WLS: variants seen among roughly 807,000 people sequenced by gnomAD.
WLS encodes Wnt ligand secretion mediator.
WLS carries 23 observed loss-of-function variants against 62.8 expected under a neutral mutation model. The ratio of observed to expected loss-of-function variants is 0.37; its 90% CI spans 0.26 to 0.52. The LOEUF is 0.52. Among genes scored for constraint, WLS ranks in the 20% least tolerant of loss-of-function variants. The probability of loss-of-function intolerance (pLI) is 0.92; values close to 1 mark genes in which losing one functional copy is unlikely to be tolerated. For synonymous variants in WLS, 246 were observed against 244.1 expected, an observed-to-expected ratio of 1.01 and a Z score of -0.07; for missense variants, 615 against 697.3, an observed-to-expected ratio of 0.88 and a Z score of 1.33.
intron 2 of WLS, among the ~76,000 whole-genome samples, chr1:68,187,084 C>T (rs1191054405): frequency 2.7e-5 from 4 of 150,472 alleles, no homozygotes; most frequent in African/African-American, 7.4e-5. Context: ...TGGTGGCAGG[C>T]GCCTGTAGTC....
intron 1 of WLS, among the ~76,000 whole-genome samples, chr1:68,204,554 G>C (rs938333084): frequency 6.6e-6 from 1 of 152,096 alleles, no homozygotes; most frequent in Non-Finnish European, 1.5e-5. Flanking sequence ...TGATCCGCCC[G>C]CCTGGGCCTC....
intron 2 of WLS, among the ~76,000 whole-genome samples, chr1:68,185,165 G>T (rs1217421913): frequency 6.6e-6 from 1 of 152,082 alleles, no homozygotes; most frequent in Non-Finnish European, 1.5e-5. Flanking sequence ...AGTCTCATAG[G>T]TTGAAAGCTC....
intron 11 of WLS, among the ~76,000 whole-genome samples, chr1:68,101,721 T>A (rs1473758286): frequency 1.3e-5 from 2 of 152,176 alleles, no homozygotes; most frequent in African/African-American, 2.4e-5. Context: ...AGAAACTTCA[T>A]GAATTGGGGG....
At chr1:68,174,415 C>G (rs1647200310) in intron 2 of WLS, among the ~76,000 whole-genome samples, 2 of 152,276 alleles carry the variant, frequency 1.3e-5, no homozygotes, top group South Asian at 4.1e-4. Flanking sequence ...CCAGGACATT[C>G]CTCGAGTTGG....
chr1:68,145,724 A>G lies in WLS; in HGVS notation c.1278+145T>C. On this transcript the variant is annotated intron_variant, in intron 9 of 11. Transcript: ENST00000262348. The stretch of plus-strand genomic sequence containing the variant: ...CTTCTCAGAGTAAGATTTGGCCTCT[A>G]ATTTTGCCCAGAGATCCTACATGAG... 13 of 1,370,114 alleles carry G rather than the reference A, an allele frequency of 9.5e-6. No individual in the cohort carries two copies. The South Asian group carries it at 1.7e-4, about 18-fold the overall frequency. The allele number at this position is 1,370,114 out of a possible 1,614,324, so 84.9% of individuals were successfully genotyped here. A position where few individuals can be genotyped will look rare whatever the true frequency, so the allele number is the denominator to read the frequency against.
chr1:68,213,618 A>G (rs1443961798), intron 1 of WLS, among the ~76,000 whole-genome samples: 1 of 152,046 alleles, frequency 6.6e-6, no homozygotes, highest in Non-Finnish European at 1.5e-5. Context: ...CTTGCCTTGG[A>G]TTATGCACAT....
At chr1:68,132,054 G>A (rs961541706) in intron 11 of WLS, among the ~76,000 whole-genome samples, 52 of 152,176 alleles carry the variant, frequency 3.4e-4, no homozygotes, top group African/African-American at 1.2e-3. Context: ...TTAGGAAGCC[G>A]AAGGTTCTTC....
At chr1:68,128,290 C>G (rs1646465655) in intron 11 of WLS, among the ~76,000 whole-genome samples, 1 of 152,202 alleles carries the variant, frequency 6.6e-6, no homozygotes, top group Non-Finnish European at 1.5e-5. Flanking sequence ...AGGCCAATAA[C>G]TTGTATTCTC....
intron 11 of WLS, among the ~76,000 whole-genome samples, chr1:68,135,330 T>G (rs918045053): frequency 7.0e-5 from 9 of 127,814 alleles, no homozygotes; most frequent in African/African-American, 1.2e-4. Flanking sequence ...TTTTTTTTTT[T>G]GTAGAGATGG....
chr1:68,109,782 T>C (rs1431544689), intron 11 of WLS, among the ~76,000 whole-genome samples: 1 of 152,036 alleles, frequency 6.6e-6, no homozygotes, highest in Non-Finnish European at 1.5e-5. Flanking sequence ...TTTTACTACC[T>C]TCTCCAAACT....
At position 68,232,183 on chromosome 1, in the gene WLS, T is replaced by C; in HGVS notation, c.106+11A>G. On this transcript the variant is annotated intron_variant, in intron 1 of 11. Transcript: ENST00000262348. The stretch of plus-strand genomic sequence containing the variant: ...AGAAAGGGGGAAAAGTTTGCAGCTC[T>C]CCGCACTTACCAATCAAGCCTCCCA... The C allele has an allele frequency of 6.2e-7, 1 of 1,614,040 alleles. No homozygotes were observed. The highest frequency in any genetic ancestry group is 2.2e-5 in the East Asian group (1 of 44,856).
chr1:68,208,784 C>T (rs540600363), intron 1 of WLS, among the ~76,000 whole-genome samples: 3 of 152,248 alleles, frequency 2.0e-5, no homozygotes, highest in South Asian at 4.1e-4. Flanking sequence ...TGTGTTCATA[C>T]ATGACATGGG....
At chr1:68,192,259 C>T (rs1287877706) in intron 2 of WLS, among the ~76,000 whole-genome samples, 1 of 152,082 alleles carries the variant, frequency 6.6e-6, no homozygotes, top group Non-Finnish European at 1.5e-5. Flanking sequence ...TGCTCCAACT[C>T]CTAAACAGAG....
chr1:68,126,706 T>C (rs1646436167), intron 11 of WLS, among the ~76,000 whole-genome samples: 2 of 152,182 alleles, frequency 1.3e-5, no homozygotes, highest in Admixed American at 1.3e-4. Flanking sequence ...GTAGGCAGTA[T>C]GAACGTGCCA....
intron 3 of WLS, among the ~76,000 whole-genome samples, 162 bp downstream of exon 3, chr1:68,158,961 G>C (rs573901184): frequency 2.6e-5 from 4 of 152,148 alleles, no homozygotes; most frequent in African/African-American, 9.7e-5. Flanking sequence ...GTTAGGAAAG[G>C]CCCGTGGCAG....
rs1229686601 is a variant in WLS at position 68,153,181 on chromosome 1, G to A, written c.803+336C>T. Among the ~76,000 whole-genome samples the A allele has an allele frequency of 2.0e-5, 3 of 152,128 alleles. No homozygotes were observed. In the East Asian group the frequency reaches 5.8e-4, roughly 29 times the overall value. On this transcript the variant is annotated intron_variant, in intron 5 of 11. Transcript: ENST00000262348. ...TTCTAGCTACCGGGAGGCTGAGGTG[G>A]GATGACCACTGGAGCCTGGAAAGTC...
chr1:68,135,746 C>A (rs12405510), intron 11 of WLS, among the ~76,000 whole-genome samples: 5,320 of 152,246 alleles, frequency 0.035, 113 homozygotes, highest in Middle Eastern at 0.051. Flanking sequence ...CAGTGTCCCC[C>A]ACAGGATGAC....
intron 2 of WLS, among the ~76,000 whole-genome samples, chr1:68,168,545 G>C (rs978197527): frequency 6.6e-6 from 1 of 152,114 alleles, no homozygotes; most frequent in Non-Finnish European, 1.5e-5. Flanking sequence ...AATAAAAGGG[G>C]AAAAAGGAGA....
chr1:68,163,798 T>G (rs1164621549), intron 2 of WLS, among the ~76,000 whole-genome samples: 2 of 152,204 alleles, frequency 1.3e-5, no homozygotes, highest in African/African-American at 4.8e-5. Context: ...CCTCCAGGGC[T>G]GCGACAAGGA....
Sources: allele counts gnomAD v4.1 joint callset (sites outside exome capture counted in the v4.1 genomes callset), GRCh38; gene constraint gnomAD v4.1.1; transcripts MANE v1.5; gene names NCBI Gene and HGNC (gene_info 2026-07-23, HGNC 2026-07-21).